The following IL1RAPL2 variants were observed in gnomAD, a reference collection of about 807,000 sequenced individuals.
The protein encoded by IL1RAPL2 is X-linked interleukin-1 receptor accessory protein-like 2.
A neutral mutation model predicts 44.1 loss-of-function variants in IL1RAPL2; 3 were observed. The ratio of observed to expected loss-of-function variants is 0.07; its 90% CI spans 0.03 to 0.18. The LOEUF is 0.18. Among genes scored for constraint, IL1RAPL2 ranks in the 10% least tolerant of loss-of-function variants. The probability of loss-of-function intolerance (pLI) is 1.00; values close to 1 mark genes in which losing one functional copy is unlikely to be tolerated. For synonymous variants in IL1RAPL2, 181 were observed against 178.8 expected (o/e 1.01, Z -0.10); for missense variants, 391 against 496.4 (o/e 0.79, Z 2.02).
intron 3 of IL1RAPL2, among the ~76,000 whole-genome samples, chrX:105,227,948 C>A (rs979877587): frequency 1.8e-5 from 2 of 111,224 alleles, no homozygotes; most frequent in African/African-American, 3.3e-5. Flanking sequence ...TCCCCCTTAT[C>A]CCCCTTTACT....
chrX:105,265,905 A>G (rs1421509855), intron 4 of IL1RAPL2, among the ~76,000 whole-genome samples: 1 of 111,410 alleles, frequency 9.0e-6, no homozygotes, highest in Non-Finnish European at 1.9e-5. Context: ...GTATGGAGGC[A>G]GGGGTGAGGA....
chrX:105,068,861 A>G (rs1253087765), intron 2 of IL1RAPL2, among the ~76,000 whole-genome samples: 1 of 112,203 alleles, frequency 8.9e-6, no homozygotes, highest in Non-Finnish European at 1.9e-5. Flanking sequence ...CATGCATTTT[A>G]ATACTTTCAT....
chrX:105,606,968 G>A (rs1423722029), intron 6 of IL1RAPL2, among the ~76,000 whole-genome samples: 1 of 111,044 alleles, frequency 9.0e-6, no homozygotes, highest in East Asian at 2.8e-4. Flanking sequence ...GAGAAATAAA[G>A]TTCTAATGTT....
At chrX:105,005,809 C>T (rs2030932220) in intron 2 of IL1RAPL2, among the ~76,000 whole-genome samples, 1 of 110,829 alleles carries the variant, frequency 9.0e-6, no homozygotes, top group Middle Eastern at 4.2e-3. Context: ...AATTTTTAGC[C>T]TTCTCAGCCT....
intron 6 of IL1RAPL2, among the ~76,000 whole-genome samples, chrX:105,680,614 A>AT (rs1331668596): frequency 8.9e-6 from 1 of 112,311 alleles, no homozygotes; most frequent in Non-Finnish European, 1.9e-5. Context: ...AAATCACTAC[A>AT]TTGCTATGAA....
chrX:105,088,273 G>A (rs1471810669), intron 2 of IL1RAPL2, among the ~76,000 whole-genome samples: 2 of 111,326 alleles, frequency 1.8e-5, no homozygotes, highest in African/African-American at 3.3e-5. Context: ...ACTCATGGTG[G>A]GCCTACTTTA....
chrX:105,007,143 G>T (rs1325065604), intron 2 of IL1RAPL2, among the ~76,000 whole-genome samples: 1 of 111,404 alleles, frequency 9.0e-6, no homozygotes, highest in Non-Finnish European at 1.9e-5. Context: ...GAAACTGAAA[G>T]AAATGAAGTT....
At chrX:105,379,912 T>A (rs1236270632) in intron 5 of IL1RAPL2, among the ~76,000 whole-genome samples, 1 of 111,863 alleles carries the variant, frequency 8.9e-6, no homozygotes, top group Non-Finnish European at 1.9e-5. Context: ...GAATCCAGTA[T>A]TCTTTCTATT....
intron 6 of IL1RAPL2, among the ~76,000 whole-genome samples, chrX:105,590,575 T>G (rs207478714): frequency 9.0e-6 from 1 of 111,524 alleles, no homozygotes; most frequent in Admixed American, 9.6e-5. Context: ...TGAAGCAATA[T>G]TCATTTTTTC....
intron 6 of IL1RAPL2, among the ~76,000 whole-genome samples, chrX:105,511,841 G>C (rs1256736018): frequency 1.8e-5 from 2 of 111,440 alleles, no homozygotes; most frequent in African/African-American, 6.5e-5. Flanking sequence ...ATGCTCAACT[G>C]AATGTTTTAA....
chrX:104,985,143 A>G (rs1170464835), intron 2 of IL1RAPL2, among the ~76,000 whole-genome samples: 1 of 108,607 alleles, frequency 9.2e-6, no homozygotes, highest in Non-Finnish European at 1.9e-5. Context: ...GCTGGAGTGC[A>G]GTGGTGTGAT....
At chrX:105,262,890 T>C (rs1360356732) in intron 4 of IL1RAPL2, among the ~76,000 whole-genome samples, 1 of 110,622 alleles carries the variant, frequency 9.0e-6, no homozygotes, top group African/African-American at 3.3e-5. Context: ...CTAAAGATTT[T>C]TTTTTTTCTT....
intron 2 of IL1RAPL2, among the ~76,000 whole-genome samples, chrX:104,688,668 C>T (rs955089455): frequency 8.9e-6 from 1 of 111,758 alleles, no homozygotes; most frequent in Non-Finnish European, 1.9e-5. Flanking sequence ...AAGATTTTCA[C>T]CTCTCTTGTT....
At chrX:105,139,285 A>T (rs180766956) in intron 2 of IL1RAPL2, among the ~76,000 whole-genome samples, 1 of 111,673 alleles carries the variant, frequency 9.0e-6, no homozygotes, top group African/African-American at 3.3e-5. Context: ...TTTTTTTGTT[A>T]TTCAATCAAG....
At chrX:104,981,462 G>A (rs980690726) in intron 2 of IL1RAPL2, among the ~76,000 whole-genome samples, 2 of 110,507 alleles carry the variant, frequency 1.8e-5, no homozygotes, top group African/African-American at 3.3e-5. Flanking sequence ...TGAAGTTATC[G>A]GATCTAGGAG....
chrX:105,151,446 CATA>C (rs755276260), intron 2 of IL1RAPL2, among the ~76,000 whole-genome samples: 11 of 110,158 alleles, frequency 1.0e-4, no homozygotes, highest in African/African-American at 2.3e-4. Flanking sequence ...GAGAGAAAGA[CATA>C]ATATTATATT....
intron 2 of IL1RAPL2, among the ~76,000 whole-genome samples, chrX:104,701,437 G>C (rs1931271167): frequency 1.8e-5 from 2 of 111,027 alleles, no homozygotes; most frequent in Admixed American, 9.6e-5. Flanking sequence ...AAGCACTTGA[G>C]TATCCCGTAC....
intron 6 of IL1RAPL2, among the ~76,000 whole-genome samples, chrX:105,577,998 A>G (rs2037062703): frequency 9.2e-6 from 1 of 108,500 alleles, no homozygotes; most frequent in African/African-American, 3.3e-5. Context: ...GTCATTTAGC[A>G]TTAGGTATAT....
chrX:104,596,978 C>A (rs112779788), intron 1 of IL1RAPL2, among the ~76,000 whole-genome samples: 418 of 110,895 alleles, frequency 3.8e-3, no homozygotes, highest in African/African-American at 0.013. Flanking sequence ...ACTTCATGTA[C>A]ATGTACGAGT....
Sources: gnomAD v4.1 joint callset for allele counts (sites outside exome capture counted in the v4.1 genomes callset) on GRCh38, gnomAD v4.1.1 for gene constraint, MANE v1.5 for transcripts, NCBI Gene and HGNC (gene_info 2026-07-23, HGNC 2026-07-21) for gene names.